CNTRL: variants seen among roughly 807,000 people sequenced by gnomAD.
CNTRL encodes the protein centriolin, also known as 110 kDa centrosomal protein.
In CNTRL, 233 loss-of-function variants were observed where a neutral mutation model predicts 303.7. That is an observed-to-expected ratio of 0.77 (90% CI 0.69 to 0.86). The LOEUF is 0.86. Among genes scored for constraint, CNTRL ranks in the 40% least tolerant of loss-of-function variants. The probability of loss-of-function intolerance (pLI) is 0.00; values close to 1 mark genes in which losing one functional copy is unlikely to be tolerated. For synonymous variants in CNTRL, 900 were observed against 922.2 expected, an observed-to-expected ratio of 0.98 and a Z score of 0.44; for missense variants, 2,524 against 2,650.6, an observed-to-expected ratio of 0.95 and a Z score of 1.05.
At position 121,082,411 on chromosome 9, in the gene CNTRL, T is replaced by G. The variant is rs184544108; in HGVS notation, c.-32+1933T>G. Among the ~76,000 whole-genome samples the G allele has an allele frequency of 2.2e-4, 34 of 152,350 alleles. No homozygotes were observed. The East Asian group carries it at 6.6e-3, about 29-fold the overall frequency. On this transcript the variant is annotated intron_variant, in intron 2 of 43. Transcript: ENST00000373855. Reference sequence around the variant, plus strand: ...CCTTCTAAGTTAGGTTGCAGTTCATTATGTAGAGACTTAAAGTACAGAGGC... The same window carrying G: ...CCTTCTAAGTTAGGTTGCAGTTCATGATGTAGAGACTTAAAGTACAGAGGC...
chr9:121,100,884 A>G (rs2049129936), intron 7 of CNTRL, among the ~76,000 whole-genome samples: 1 of 152,246 alleles, frequency 6.6e-6, no homozygotes, highest in African/African-American at 2.4e-5. Flanking sequence ...TATGCACCCA[A>G]TACAGGAGAA....
intron 14 of CNTRL, among the ~76,000 whole-genome samples, chr9:121,127,930 TG>T (rs2050627115): frequency 6.6e-6 from 1 of 151,868 alleles, no homozygotes; most frequent in Non-Finnish European, 1.5e-5. Context: ...TTGCAAAGAA[TG>T]ATGGTTTCCA....
intron 25 of CNTRL, 172 bp from the exon 26 acceptor site, chr9:121,152,309 TTGTC>T (rs1434574773): frequency 3.3e-6 from 2 of 598,286 alleles, no homozygotes; most frequent in African/African-American, 1.9e-5. Context: ...AAGGTTCTAT[TTGTC>T]TGTCAGTTTC....
intron 14 of CNTRL, among the ~76,000 whole-genome samples, chr9:121,132,474 A>G (rs2050923594): frequency 6.6e-6 from 1 of 152,032 alleles, no homozygotes. Context: ...CATGGTTTTC[A>G]GCTCCATCAG....
intron 27 of CNTRL, among the ~76,000 whole-genome samples, chr9:121,156,986 A>G (rs139747503): frequency 1.7e-3 from 263 of 152,366 alleles, no homozygotes; most frequent in Middle Eastern, 3.4e-3. Context: ...TTAAAATGAT[A>G]TAATAGTATT....
At position 121,157,926 on chromosome 9, in the gene CNTRL, C is replaced by T. The variant is rs768594017; in HGVS notation, c.4637+46C>T. Reference sequence around the variant, plus strand: ...GCTACAAGGGGTTTGTGCTGGAAGACAGCTCTGGGGTTCCGAGTCCCTTAG... The same window carrying T: ...GCTACAAGGGGTTTGTGCTGGAAGATAGCTCTGGGGTTCCGAGTCCCTTAG... On this transcript the variant is annotated intron_variant, in intron 29 of 43. Coordinates refer to ENST00000373855, the MANE Select transcript of CNTRL (RefSeq NM_007018.6). 4 of 1,613,648 alleles carry T rather than the reference C, an allele frequency of 2.5e-6. No homozygotes were observed. In the East Asian group the frequency reaches 6.7e-5, roughly 27 times the overall value.
At chr9:121,166,246 C>A in intron 36 of CNTRL, 66 bp downstream of exon 36, 4 of 1,138,938 alleles carry the variant, frequency 3.5e-6, no homozygotes, top group Non-Finnish European at 3.8e-6. Flanking sequence ...GTTTAAATAA[C>A]AAAGAAATCA....
intron 35 of CNTRL, among the ~76,000 whole-genome samples, chr9:121,165,751 A>G (rs1171239423): frequency 1.3e-5 from 2 of 152,210 alleles, no homozygotes; most frequent in African/African-American, 2.4e-5. Flanking sequence ...CTAGTAATTG[A>G]CAAAGCCAAT....
chr9:121,126,381 T>C (rs1302047002), intron 14 of CNTRL, among the ~76,000 whole-genome samples: 1 of 152,236 alleles, frequency 6.6e-6, no homozygotes, highest in Non-Finnish European at 1.5e-5. Context: ...GAACCTGATT[T>C]GTTGCACATT....
At chr9:121,162,565 T>C (rs962624854) in intron 34 of CNTRL, among the ~76,000 whole-genome samples, 13 of 152,126 alleles carry the variant, frequency 8.5e-5, no homozygotes, top group African/African-American at 3.1e-4. Context: ...TTGTTAAAGA[T>C]TTAGTTCTGT....
At chr9:121,116,759 G>A (rs955080714) in intron 11 of CNTRL, among the ~76,000 whole-genome samples, 1 of 152,166 alleles carries the variant, frequency 6.6e-6, no homozygotes, top group African/African-American at 2.4e-5. Flanking sequence ...TCTGTCAGGA[G>A]GCTGTTGTTC....
At chr9:121,146,564 A>G (rs923689372) in intron 23 of CNTRL, among the ~76,000 whole-genome samples, 2 of 152,194 alleles carry the variant, frequency 1.3e-5, no homozygotes, top group Non-Finnish European at 2.9e-5. Flanking sequence ...AGCCTCCGAC[A>G]GAAAAAAAGG....
intron 12 of CNTRL, among the ~76,000 whole-genome samples, chr9:121,120,672 G>A (rs2050185508): frequency 6.6e-6 from 1 of 152,170 alleles, no homozygotes; most frequent in Non-Finnish European, 1.5e-5. Flanking sequence ...GCTGGATTAT[G>A]TGTTTGCTTT....
intron 43 of CNTRL, among the ~76,000 whole-genome samples, chr9:121,175,690 A>G (rs1232855388): frequency 6.6e-6 from 1 of 152,160 alleles, no homozygotes; most frequent in Non-Finnish European, 1.5e-5. Context: ...CTCTCTGAAA[A>G]ACTTGTCTTA....
At chr9:121,149,230 G>A (rs1164699019) in intron 24 of CNTRL, among the ~76,000 whole-genome samples, 1 of 152,142 alleles carries the variant, frequency 6.6e-6, no homozygotes, top group Non-Finnish European at 1.5e-5. Context: ...CTAAAATGAA[G>A]TGTTACGGGT....
intron 12 of CNTRL, among the ~76,000 whole-genome samples, chr9:121,122,616 A>G (rs1224578274): frequency 6.6e-6 from 1 of 152,114 alleles, no homozygotes; most frequent in Non-Finnish European, 1.5e-5. Context: ...TGGGAGGGCA[A>G]AGGTTCTCTG....
At chr9:121,163,576 C>T (rs996939582) in intron 34 of CNTRL, among the ~76,000 whole-genome samples, 6 of 151,856 alleles carry the variant, frequency 4.0e-5, no homozygotes, top group Non-Finnish European at 7.4e-5. Flanking sequence ...AGATATGTCA[C>T]AGGTTGGGAA....
rs529198867 is a variant in CNTRL, at chr9:121,121,080, A to C, written c.1650+2540A>C. On this transcript the variant is annotated intron_variant, in intron 12 of 43. Coordinates refer to ENST00000373855, the MANE Select transcript of CNTRL (RefSeq NM_007018.6). ...GAGATGCCTGCATATTTTTCTATAG[A>C]TATAGGTAGACTTTTATTTAATTAA... is the stretch of plus-strand genomic sequence containing the variant. Among the ~76,000 whole-genome samples, 3 of 152,316 alleles carry C rather than the reference A, an allele frequency of 2.0e-5. No homozygotes were observed. In the South Asian group the frequency reaches 6.2e-4, roughly 32 times the overall value.
intron 15 of CNTRL, among the ~76,000 whole-genome samples, 172 bp from the exon 16 acceptor site, chr9:121,138,373 T>A (rs1034737646): frequency 9.2e-5 from 14 of 152,176 alleles, no homozygotes; most frequent in African/African-American, 3.1e-4. Context: ...AGTTTAAGGA[T>A]TGTGTGAAAA....
Sources: allele counts gnomAD v4.1 joint callset (sites outside exome capture counted in the v4.1 genomes callset), GRCh38; gene constraint gnomAD v4.1.1; transcripts MANE v1.5; gene names NCBI Gene and HGNC (gene_info 2026-07-23, HGNC 2026-07-21).